The following PGC variants were observed in gnomAD, a reference collection of about 807,000 sequenced individuals.
The protein encoded by PGC is progastricsin, also known as gastricsin.
A neutral mutation model predicts 45.9 loss-of-function variants in PGC; 31 were observed. The observed-to-expected ratio is 0.67, with a 90% CI of 0.51 to 0.91. PGC has a LOEUF of 0.91. Among genes scored for constraint, PGC ranks in the 40% least tolerant of loss-of-function variants. PGC has a pLI of 0.00. For missense variants in PGC, 477 were observed against 493.2 expected, an observed-to-expected ratio of 0.97 and a Z score of 0.31; for synonymous variants, 192 against 201.8, an observed-to-expected ratio of 0.95 and a Z score of 0.41.
intron 7 of PGC, among the ~76,000 whole-genome samples, chr6:41,738,266 A>ATATATATATG (rs1223190895): frequency 1.5e-4 from 1 of 6,772 alleles, no homozygotes; most frequent in African/African-American, 3.3e-4. Context: ...ATATATATGC[A>ATATATATATG]CACACACACA....
At chr6:41,746,000 T>C (rs1051497866) in intron 1 of PGC, among the ~76,000 whole-genome samples, 3 of 151,770 alleles carry the variant, frequency 2.0e-5, no homozygotes, top group East Asian at 3.9e-4. Flanking sequence ...CCATCTCTAC[T>C]AAAATTACAA....
chr6:41,739,849 T>G lies in PGC; in HGVS notation c.865A>C (p.Met289Leu), dbSNP rs765768566. The part of the protein sequence containing the change: ...TSLLTVPQQY[M>L]SALLQATGAQ... ...CCTGTGGCCTGCAGAAGAGCACTCA[T>G]GTACTGCTGGGGCACAGTGAGCAGA... The change falls in exon 7 of 9, where the codon ATG (methionine) becomes CTG (leucine). Residue 289 changes from methionine (M) to leucine (L), a missense_variant. Met to Leu is a conservative substitution (Grantham distance 15). Coordinates refer to ENST00000373025, the MANE Select transcript of PGC (RefSeq NM_002630.4). 8 of 1,614,102 alleles carry G rather than the reference T, an allele frequency of 5.0e-6. No individual in the cohort carries two copies. In the Admixed American group the frequency reaches 1.0e-4, roughly 20 times the overall value.
At chr6:41,741,883 T>C (rs1253152765) in intron 5 of PGC, 3 of 1,450,604 alleles carry the variant, frequency 2.1e-6, no homozygotes, top group South Asian at 2.4e-5. Context: ...AATACATTAC[T>C]ATGCAAAAGA....
chr6:41,739,077 C>T (rs909343384), intron 7 of PGC, among the ~76,000 whole-genome samples: 2 of 152,164 alleles, frequency 1.3e-5, no homozygotes, highest in African/African-American at 4.8e-5. Context: ...TTAAACAAAC[C>T]CTTGGCTGGA....
At position 41,744,731 on chromosome 6, in the gene PGC, T is replaced by C. The variant is rs762914927; in HGVS notation, c.137A>G (p.His46Arg). The C allele has an allele frequency of 6.2e-7, 1 of 1,614,078 alleles. No individual in the cohort carries two copies. Among genetic ancestry groups the C allele is most frequent in the South Asian group, 1.1e-5 (1 of 91,078 alleles). The change falls in exon 2 of 9, where the codon CAC becomes CGC. Residue 46 changes from histidine to arginine, a missense_variant. Physicochemically the swap from His to Arg is conservative, Grantham distance 29. Transcript: ENST00000373025. The surrounding 1 kb of genome is among the most constrained non-coding windows in gnomAD (Gnocchi z 4.4). The stretch of plus-strand genomic sequence containing the variant: ...GTACTTCCAAGCAGGATCATACTTG[T>C]GGGTCCTCAGGAACTCCCCCAGCAA... The part of the protein sequence containing the change: ...KGLLGEFLRT[H>R]KYDPAWKYRF...
At position 41,742,335 on chromosome 6, in the gene PGC, T is replaced by C. The variant is rs751903549; in HGVS notation, c.602A>G (p.Gln201Arg). ...EATTAMQGMV[Q>R]EGALTSPVFS... ...GACGGGGCTGGTGAGGGCGCCCTCC[T>C]GCACCATGCCCTGCATAGCTGTGGT... Residue 201 changes from glutamine to arginine, a missense_variant, in exon 5 of 9, where the codon CAG (glutamine) becomes CGG (arginine). Coordinates refer to ENST00000373025, the MANE Select transcript of PGC (RefSeq NM_002630.4). 1.9e-6 allele frequency: 3 copies of C among 1,614,010 alleles called. No individual in the cohort carries two copies. In the South Asian group the frequency reaches 3.3e-5, roughly 18 times the overall value.
At chr6:41,740,004 G>T (rs887693957) in intron 6 of PGC, 58 bp from the exon 7 acceptor site, 1 of 1,522,530 alleles carries the variant, frequency 6.6e-7, no homozygotes, top group Non-Finnish European at 9.0e-7. Flanking sequence ...CAGCTGGGGC[G>T]GGCTTTCCCC....
chr6:41,738,253 T>TATATATATAC (rs1561880066), intron 7 of PGC, among the ~76,000 whole-genome samples: 163 of 13,000 alleles, frequency 0.013, 16 homozygotes, highest in African/African-American at 0.026. Context: ...TATATATGCA[T>TATATATATAC]ATATATATAT....
In PGC at chr6:41,737,731, C is replaced by T. The variant is rs753967186; in HGVS notation, c.1013G>A (p.Ser338Asn). 9.5e-6 allele frequency: 15 copies of T among 1,580,102 alleles called. No individual in the cohort carries two copies. Among genetic ancestry groups the T allele is most frequent in the Middle Eastern group, 1.7e-4 (1 of 6,020 alleles). The change falls in exon 8 of 9, where the codon AGT becomes AAT. Residue 338 changes from serine to asparagine, a missense_variant and splice_region_variant. Transcript: ENST00000373025. ...FPLPPSSYIL[S>N]NNGYCTVGVE... ...CAGCCTGCAGGGACCAGGACTTACA[C>T]TGAGGATATAGGAGGAAGGTGGCAG...
Position 41,738,504 on chromosome 6 carries a change from T to G in PGC, c.916-676A>C, listed in dbSNP as rs560616088. The stretch of plus-strand genomic sequence containing the variant: ...TTAGCTGGGCATGATGGCACACACG[T>G]GTAGTCCCAGCTACTCAGGAGGCTG... On this transcript the variant is annotated intron_variant, in intron 7 of 8. Transcript: ENST00000373025. 1.5e-3 allele frequency among the ~76,000 whole-genome samples: 228 copies of G among 151,666 alleles called. 1 individual carries two copies. The highest frequency in any genetic ancestry group is 5.3e-3 in the African/African-American group (219 of 41,270).
chr6:41,742,709 C>T (rs560452000), intron 4 of PGC, among the ~76,000 whole-genome samples: 6 of 152,388 alleles, frequency 3.9e-5, no homozygotes, highest in Non-Finnish European at 7.3e-5. Flanking sequence ...ACAGCAACCT[C>T]TGCTCCCCTG....
At chr6:41,740,823 T>C in intron 5 of PGC, 1 of 1,428,644 alleles carries the variant, frequency 7.0e-7, no homozygotes, top group Non-Finnish European at 9.1e-7. Context: ...CTGTGTCCCT[T>C]AGACTGGGCC....
chr6:41,743,458 G>A (rs1003573763), intron 3 of PGC, 69 bp from the exon 4 acceptor site: 12 of 954,280 alleles, frequency 1.3e-5, no homozygotes, highest in Admixed American at 5.1e-5. Flanking sequence ...CAGGCCTGCC[G>A]GGTTCCCACC....
rs1056535065 is a variant in PGC at position 41,739,696 on chromosome 6, G to T, written c.915+103C>A. The T allele has an allele frequency of 1.0e-5, 13 of 1,245,318 alleles. No homozygotes were observed. The Admixed American group carries it at 2.7e-4, about 26-fold the overall frequency. The allele number at this position is 1,245,318 out of a possible 1,614,324, so 77.1% of individuals were successfully genotyped here. On this transcript the variant is annotated intron_variant, in intron 7 of 8. Coordinates refer to ENST00000373025, the MANE Select transcript of PGC (RefSeq NM_002630.4). ...GGCCTCCCAAAGTGTTGGGATTACAGGCATGAGCCACGGCGCCCAGCTGGC... is the reference window on the plus strand; with the variant it reads ...GGCCTCCCAAAGTGTTGGGATTACATGCATGAGCCACGGCGCCCAGCTGGC...
In PGC at chr6:41,743,372, T is replaced by G; in HGVS notation, c.346A>C (p.Asn116His). The stretch of plus-strand genomic sequence containing the variant: ...GAGTAGGTGGACGACTCGCTGGGGT[T>G]GAAGCGGGAGTGACTGGCTGCAGGG... Reference protein sequence around the residue: ...SQACTSHSRFNPSESSTYSTN... With the variant: ...SQACTSHSRFHPSESSTYSTN... The change falls in exon 4 of 9, where the codon AAC becomes CAC. Residue 116 changes from asparagine (N) to histidine (H), a missense_variant. Transcript: ENST00000373025. 2 of 1,613,326 alleles carry G rather than the reference T, an allele frequency of 1.2e-6. No homozygotes were observed. The highest frequency in any genetic ancestry group is 2.2e-5 in the South Asian group (2 of 91,056).
At chr6:41,738,990 AG>A (rs1320543746) in intron 7 of PGC, among the ~76,000 whole-genome samples, 1 of 152,100 alleles carries the variant, frequency 6.6e-6, no homozygotes, top group Non-Finnish European at 1.5e-5. Context: ...CAAAAAAAAA[AG>A]AAAAACACAG....
intron 5 of PGC, 73 bp downstream of exon 5, chr6:41,742,217 C>G: frequency 7.4e-7 from 1 of 1,354,858 alleles, no homozygotes. Context: ...AAGCATTGAG[C>G]ACTGAGCCTC....
intron 1 of PGC, among the ~76,000 whole-genome samples, chr6:41,746,901 T>C (rs535188033): frequency 6.6e-6 from 1 of 152,338 alleles, no homozygotes; most frequent in East Asian, 1.9e-4. Flanking sequence ...TTAAAGCAAC[T>C]TTTAGAGAGG....
chr6:41,737,689 C>T (rs764954045), intron 8 of PGC, 41 bp downstream of exon 8: 3 of 1,264,582 alleles, frequency 2.4e-6, no homozygotes, highest in South Asian at 2.4e-5. Flanking sequence ...TTCCTCCCAA[C>T]CCCAATCATG....
Sources: gnomAD v4.1 joint callset for allele counts (sites outside exome capture counted in the v4.1 genomes callset) on GRCh38, gnomAD v4.1.1 for gene constraint, Gnocchi (gnomAD v3.1) non-coding constraint, MANE v1.5 for transcripts, NCBI Gene and HGNC (gene_info 2026-07-23, HGNC 2026-07-21) for gene names.